EEFSEC: variants seen among roughly 807,000 people sequenced by gnomAD.
The protein encoded by EEFSEC is selenocysteine-specific elongation factor.
In EEFSEC, 43 loss-of-function variants were observed where a neutral mutation model predicts 42.1. The observed-to-expected ratio is 1.02, with a 90% confidence interval of 0.80 to 1.32. The LOEUF (loss-of-function observed/expected upper bound fraction) is 1.32. Among genes scored for constraint, EEFSEC ranks in the 40% most tolerant of loss-of-function variants. The pLI, the probability that EEFSEC is intolerant of heterozygous loss-of-function variation, is 0.00. For synonymous variants in EEFSEC, 354 were observed against 339.1 expected (o/e 1.04, Z -0.48); for missense variants, 745 against 803.6 (o/e 0.93, Z 0.88).
intron 1 of EEFSEC, among the ~76,000 whole-genome samples, chr3:128,161,811 G>C (rs2065190819): frequency 1.3e-5 from 2 of 152,152 alleles, no homozygotes; most frequent in Admixed American, 6.5e-5. Context: ...ATGAAACAAG[G>C]GGTTCTTGTG....
intron 4 of EEFSEC, among the ~76,000 whole-genome samples, chr3:128,287,441 T>C (rs576752895): frequency 4.2e-4 from 64 of 152,196 alleles, no homozygotes; most frequent in Non-Finnish European, 7.9e-4. Context: ...GGAAATCATT[T>C]AACAGCTACA....
rs190488944 is a variant in EEFSEC, at chr3:128,231,228, C to T, written c.317-15608C>T. Among the ~76,000 whole-genome samples, 655 of 152,290 alleles carry T rather than the reference C, an allele frequency of 4.3e-3. 4 individuals are homozygous for T. Among genetic ancestry groups the T allele is most frequent in the South Asian group, 0.011 (51 of 4,824 alleles). On this transcript the variant is annotated intron_variant, in intron 1 of 6. Transcript: ENST00000254730. The stretch of plus-strand genomic sequence containing the variant: ...GCACTGTGGCCAGCCCAATCGAGAC[C>T]TTGATAATTGGTAGCCATTGTTATG...
At chr3:128,408,817 C>T (rs1316012564), downstream of EEFSEC, among the ~76,000 whole-genome samples, 2 of 152,162 alleles carry the variant, frequency 1.3e-5, no homozygotes, top group Non-Finnish European at 2.9e-5. Flanking sequence ...CTTCTCAACC[C>T]CACTAGGTGG....
intron 1 of EEFSEC, among the ~76,000 whole-genome samples, chr3:128,234,650 C>T (rs1385667545): frequency 6.6e-6 from 1 of 152,236 alleles, no homozygotes; most frequent in Non-Finnish European, 1.5e-5. Flanking sequence ...TGGGTGTCTT[C>T]TCTCTGCTAC....
chr3:128,227,123 T>A (rs1290533716), intron 1 of EEFSEC, among the ~76,000 whole-genome samples: 1 of 152,236 alleles, frequency 6.6e-6, no homozygotes, highest in Non-Finnish European at 1.5e-5. Flanking sequence ...CCTTCTGAAA[T>A]GTGACCTACC....
At chr3:128,262,313 G>A in intron 3 of EEFSEC, 89 bp downstream of exon 3, 1 of 1,214,776 alleles carries the variant, frequency 8.2e-7, no homozygotes, top group Non-Finnish European at 1.2e-6. Flanking sequence ...GAGAGAGAAA[G>A]AGAGGCAGCC....
At chr3:128,329,421 C>CT (rs2067101683) in intron 4 of EEFSEC, among the ~76,000 whole-genome samples, 1 of 152,134 alleles carries the variant, frequency 6.6e-6, no homozygotes, top group African/African-American at 2.4e-5. Flanking sequence ...CACCCCCCCC[C>CT]ACCCCCGCTG....
intron 4 of EEFSEC, among the ~76,000 whole-genome samples, chr3:128,299,970 A>G (rs888429089): frequency 1.4e-4 from 21 of 152,118 alleles, no homozygotes; most frequent in Admixed American, 6.5e-4. Context: ...CCCCTTTCCC[A>G]GCATGTAAGC....
intron 4 of EEFSEC, among the ~76,000 whole-genome samples, chr3:128,318,338 G>A (rs1251204398): frequency 6.6e-6 from 1 of 152,226 alleles, no homozygotes; most frequent in African/African-American, 2.4e-5. Context: ...GAGGTGGACT[G>A]AGTGACTGTT....
chr3:128,187,256 C>A (rs950656877), intron 1 of EEFSEC, among the ~76,000 whole-genome samples: 14 of 152,084 alleles, frequency 9.2e-5, no homozygotes, highest in African/African-American at 3.4e-4. Context: ...GATACCTGAG[C>A]CAAGATGTAC....
At chr3:128,209,189 C>G (rs2065730556) in intron 1 of EEFSEC, among the ~76,000 whole-genome samples, 1 of 152,162 alleles carries the variant, frequency 6.6e-6, no homozygotes, top group Non-Finnish European at 1.5e-5. Flanking sequence ...TTGCTCTCAC[C>G]CCTTAAAGAA....
rs969907706 is a variant in EEFSEC, at chr3:128,162,028, A to G, written c.316+8205A>G. Among the ~76,000 whole-genome samples the G allele has an allele frequency of 3.3e-5, 5 of 152,232 alleles. No homozygotes were observed. In the East Asian group the frequency reaches 7.7e-4, roughly 23 times the overall value. ...GGTTTTCTTTACCCCTAGTCTTTTCAGGAGAATCTGTGTAGGAATATATTA... is the reference window on the plus strand; with the variant it reads ...GGTTTTCTTTACCCCTAGTCTTTTCGGGAGAATCTGTGTAGGAATATATTA... On this transcript the variant is annotated intron_variant, in intron 1 of 6. Coordinates refer to ENST00000254730, the MANE Select transcript of EEFSEC (RefSeq NM_021937.5).
chr3:128,222,025 G>GTTTTGTTTTTTTTT (rs2065864855), intron 1 of EEFSEC, among the ~76,000 whole-genome samples: 1 of 96,364 alleles, frequency 1.0e-5, no homozygotes. Context: ...TTTTTTCAAA[G>GTTTTGTTTTTTTTT]TTTTTTTTTT....
At chr3:128,239,575 C>T (rs894089898) in intron 1 of EEFSEC, among the ~76,000 whole-genome samples, 2 of 152,190 alleles carry the variant, frequency 1.3e-5, no homozygotes, top group African/African-American at 4.8e-5. Context: ...GCTGCCACCC[C>T]GTTCCTCCTG....
intron 1 of EEFSEC, among the ~76,000 whole-genome samples, chr3:128,176,494 T>C (rs1208246491): frequency 6.6e-6 from 1 of 152,182 alleles, no homozygotes; most frequent in Non-Finnish European, 1.5e-5. Context: ...ACCAGTCTGC[T>C]GGAAGCAGTG....
chr3:128,252,323 T>A (rs2107909563), intron 2 of EEFSEC, among the ~76,000 whole-genome samples: 1 of 152,342 alleles, frequency 6.6e-6, no homozygotes, highest in East Asian at 1.9e-4. Context: ...CTGTGTGTGC[T>A]TGGGCGACTC....
chr3:128,253,654 C>T (rs2066211861), intron 2 of EEFSEC, among the ~76,000 whole-genome samples: 1 of 152,096 alleles, frequency 6.6e-6, no homozygotes, highest in African/African-American at 2.4e-5. Flanking sequence ...CTTCCCTCTC[C>T]TCACTGTTCC....
At position 128,366,929 on chromosome 3, in the gene EEFSEC, A is replaced by C. The variant is rs141894903; in HGVS notation, c.1600+8556A>C. Among the ~76,000 whole-genome samples the C allele has an allele frequency of 3.5e-3, 531 of 152,256 alleles. 1 individual carries two copies. Among genetic ancestry groups the C allele is most frequent in the Middle Eastern group, 0.014 (4 of 294 alleles). On this transcript the variant is annotated intron_variant, in intron 6 of 6. Transcript: ENST00000254730. ...AGAATACCACAGACGCGGTGGCTTA[A>C]ACAATAGGCATTCATTTCCTGTCAG...
chr3:128,252,904 G>A (rs1026298185), intron 2 of EEFSEC, among the ~76,000 whole-genome samples: 7 of 152,100 alleles, frequency 4.6e-5, no homozygotes, highest in African/African-American at 1.2e-4. Context: ...GCTCCTGCCC[G>A]CACTACAGAG....
Sources: gnomAD v4.1 joint callset for allele counts (sites outside exome capture counted in the v4.1 genomes callset) on GRCh38, gnomAD v4.1.1 for gene constraint, MANE v1.5 for transcripts, NCBI Gene and HGNC (gene_info 2026-07-23, HGNC 2026-07-21) for gene names.